The following FYB2 variants were observed in gnomAD, a reference collection of about 807,000 sequenced individuals.
The protein encoded by FYB2 is FYN binding protein 2, also known as FYN-binding protein 2.
FYB2 carries 103 observed loss-of-function variants against 94.1 expected under a neutral mutation model. The ratio of observed to expected loss-of-function variants is 1.09; its 90% CI spans 0.93 to 1.29. The LOEUF is 1.29. Ranked by LOEUF, FYB2 falls within the 50% of genes most tolerant of loss-of-function variation. The pLI, the probability that FYB2 is intolerant of heterozygous loss-of-function variation, is 0.00. For missense variants in FYB2, 896 were observed against 841.5 expected, an observed-to-expected ratio of 1.06 and a Z score of -0.80; for synonymous variants, 293 against 287.9, an observed-to-expected ratio of 1.02 and a Z score of -0.18.
chr1:56,794,307 T>C (rs897272814), intron 1 of FYB2, among the ~76,000 whole-genome samples: 1 of 152,230 alleles, frequency 6.6e-6, no homozygotes, highest in Non-Finnish European at 1.5e-5. Flanking sequence ...CTGGTCCTTC[T>C]TCCTCCCACT....
intron 1 of FYB2, among the ~76,000 whole-genome samples, chr1:56,816,942 T>C (rs1646897162): frequency 6.6e-6 from 1 of 151,988 alleles, no homozygotes; most frequent in African/African-American, 2.4e-5. Context: ...TGACCACTTC[T>C]AGCCACTTCA....
Position 56,787,224 on chromosome 1 carries a change from G to A in FYB2, c.920-16C>T, listed in dbSNP as rs759210495. 1 of 1,613,708 alleles carries A rather than the reference G, an allele frequency of 6.2e-7. No homozygotes were observed. The highest frequency in any genetic ancestry group is 1.3e-5 in the African/African-American group (1 of 74,900). ...TCCACAGTCACTGCAAGAGAAAGAG[G>A]CGGAATGAAAAAGAGGCATTTGCAG... is the stretch of plus-strand genomic sequence containing the variant. On this transcript the variant is annotated splice_polypyrimidine_tract_variant and intron_variant, in intron 3 of 19. Transcript: ENST00000343433.
chr1:56,768,675 T>C (rs1006476633), intron 4 of FYB2, among the ~76,000 whole-genome samples: 3 of 152,184 alleles, frequency 2.0e-5, no homozygotes, highest in African/African-American at 7.2e-5. Context: ...CCACGGCACC[T>C]GTAGTTTCCA....
At position 56,792,776 on chromosome 1, in the gene FYB2, G is replaced by A. The variant is rs747637853; in HGVS notation, c.37C>T (p.Arg13Ter). 4.3e-5 allele frequency: 70 copies of A among 1,612,464 alleles called. No homozygotes were observed. Among genetic ancestry groups the A allele is most frequent in the African/African-American group, 8.0e-5 (6 of 74,952 alleles). Reference protein sequence around the residue: ...GEGVRNFKELRAKFQNLDAPP... With the variant: ...GEGVRNFKEL ...GCATCAAGATTTTGAAATTTGGCTC[G>A]AAGTTCCTTGAAGTTTCTTACCCCT... Residue 13 changes from arginine (R) to a stop codon, truncating the protein, a stop_gained, in exon 2 of 20, where the codon CGA becomes TGA. Coordinates refer to ENST00000343433, the MANE Select transcript of FYB2 (RefSeq NM_001004303.5). LOFTEE classifies it high-confidence loss of function.
chr1:56,780,912 G>T (rs1645993697), intron 4 of FYB2, among the ~76,000 whole-genome samples: 1 of 152,126 alleles, frequency 6.6e-6, no homozygotes, highest in African/African-American at 2.4e-5. Context: ...AAACTCTACA[G>T]GCAGGACACA....
intron 15 of FYB2, among the ~76,000 whole-genome samples, chr1:56,727,883 T>C (rs1430225151): frequency 6.6e-6 from 1 of 152,152 alleles, no homozygotes; most frequent in Non-Finnish European, 1.5e-5. Flanking sequence ...TTCAGTGCTA[T>C]GCACTTGTAG....
chr1:56,767,797 G>T (rs765898364), intron 5 of FYB2, 32 bp downstream of exon 5: 24 of 1,465,800 alleles, frequency 1.6e-5, no homozygotes, highest in Admixed American at 3.5e-5. Context: ...TTCCACACAG[G>T]GTTACACTAT....
upstream of FYB2, among the ~76,000 whole-genome samples, chr1:56,821,161 G>T (rs150989119): frequency 9.7e-4 from 147 of 152,280 alleles, no homozygotes; most frequent in African/African-American, 3.4e-3. Flanking sequence ...AGCCCTCCCC[G>T]CAGTCCCAAC....
chr1:56,814,957 C>G (rs1339340660), intron 1 of FYB2, among the ~76,000 whole-genome samples: 1 of 152,160 alleles, frequency 6.6e-6, no homozygotes. Context: ...CCCAGAATGT[C>G]AGAGCATGAC....
the FYB2 span, chr1:56,826,486 T>C: frequency 6.6e-6 from 1 of 152,418 alleles, no homozygotes; most frequent in South Asian, 2.1e-4. Context: ...GAGCTCTCCA[T>C]GCTGCATCTG....
intron 1 of FYB2, among the ~76,000 whole-genome samples, chr1:56,802,777 TATC>T (rs1326066723): frequency 6.6e-6 from 1 of 152,154 alleles, no homozygotes; most frequent in Non-Finnish European, 1.5e-5. Context: ...TTTCAGATCA[TATC>T]ACCTTGCACT....
At chr1:56,768,743 G>A (rs1416163343) in intron 4 of FYB2, among the ~76,000 whole-genome samples, 1 of 152,094 alleles carries the variant, frequency 6.6e-6, no homozygotes. Flanking sequence ...ATCACACAAG[G>A]AGATGAGCTG....
intron 2 of FYB2, among the ~76,000 whole-genome samples, chr1:56,791,755 G>C (rs1646270854): frequency 6.6e-6 from 1 of 152,128 alleles, no homozygotes; most frequent in Non-Finnish European, 1.5e-5. Context: ...AGTTATAAGA[G>C]AGCACTCAGG....
intron 11 of FYB2, among the ~76,000 whole-genome samples, 195 bp from the exon 12 acceptor site, chr1:56,742,416 T>C (rs987078474): frequency 6.6e-5 from 10 of 152,100 alleles, no homozygotes; most frequent in African/African-American, 4.8e-5. Flanking sequence ...TAAAAGTATG[T>C]ATAAATGAAA....
At chr1:56,771,174 T>C (rs781122995) in intron 4 of FYB2, among the ~76,000 whole-genome samples, 5 of 151,302 alleles carry the variant, frequency 3.3e-5, no homozygotes, top group Middle Eastern at 3.2e-3. Flanking sequence ...AGGAGAATGA[T>C]TACTGAAGCA....
chr1:56,779,627 T>C (rs559397872), intron 4 of FYB2, among the ~76,000 whole-genome samples: 4 of 152,316 alleles, frequency 2.6e-5, no homozygotes, highest in Admixed American at 2.6e-4. Context: ...TAGTGGAAGA[T>C]GATATCATTC....
chr1:56,818,515 A>T (rs1646938152), intron 1 of FYB2, among the ~76,000 whole-genome samples: 1 of 151,060 alleles, frequency 6.6e-6, no homozygotes, highest in African/African-American at 2.4e-5. Flanking sequence ...CACGCACATC[A>T]AAAGAAACTG....
chr1:56,823,316 A>G (rs1647003041), upstream of FYB2, among the ~76,000 whole-genome samples: 2 of 152,116 alleles, frequency 1.3e-5, no homozygotes, highest in Admixed American at 6.5e-5. Context: ...AACAGGTAAA[A>G]AGGATGATAT....
chr1:56,813,976 A>C (rs1646824900), intron 1 of FYB2, among the ~76,000 whole-genome samples: 1 of 152,194 alleles, frequency 6.6e-6, no homozygotes. Flanking sequence ...TGAGCAAGAA[A>C]AAATCCTTGC....
Sources: gnomAD v4.1 joint callset for allele counts (sites outside exome capture counted in the v4.1 genomes callset) on GRCh38, gnomAD v4.1.1 for gene constraint, MANE v1.5 for transcripts, NCBI Gene and HGNC (gene_info 2026-07-23, HGNC 2026-07-21) for gene names.